NSUN4: variants seen among roughly 807,000 people sequenced by gnomAD.
NSUN4 encodes the protein 5-cytosine rRNA methyltransferase NSUN4.
NSUN4 carries 31 observed loss-of-function variants against 43.8 expected under a neutral mutation model. The observed-to-expected ratio is 0.71, with a 90% CI of 0.53 to 0.96. NSUN4 has a LOEUF of 0.96. Ranked by LOEUF, NSUN4 falls within the 40% of genes least tolerant of loss-of-function variation. The pLI is 0.00. For synonymous variants in NSUN4, 167 were observed against 184.1 expected, an observed-to-expected ratio of 0.91 and a Z score of 0.75; for missense variants, 439 against 475.6, an observed-to-expected ratio of 0.92 and a Z score of 0.72.
chr1:46,353,854 TTTTTAATTTTG>T lies in NSUN4; in HGVS notation c.753+829_753+839del, dbSNP rs1484921758. ...ATAATGTGTCCTGGGGTTAAATCCT[TTTTTAATTTTG>T]TTGACATTGTGGAAGTATAGTTGTT... On this transcript the variant is annotated intron_variant, in intron 4 of 5. Coordinates refer to ENST00000474844, the MANE Select transcript of NSUN4 (RefSeq NM_199044.4). 2.6e-5 allele frequency among the ~76,000 whole-genome samples: 4 copies of T among 152,270 alleles called. No individual in the cohort carries two copies. The East Asian group carries it at 7.7e-4, about 29-fold the overall frequency.
At chr1:46,379,835 C>T in the NSUN4 span, among the ~76,000 whole-genome samples, 5 of 152,130 alleles carry the variant, frequency 3.3e-5, no homozygotes, top group Admixed American at 3.3e-4. Flanking sequence ...GGAAAAGGGG[C>T]TGTGAACAGC....
At chr1:46,372,172 G>A in the NSUN4 span, among the ~76,000 whole-genome samples, 11 of 142,418 alleles carry the variant, frequency 7.7e-5, no homozygotes, top group Admixed American at 2.9e-4. Context: ...ATGGAGTCTC[G>A]CTCTGTCACC....
chr1:46,347,201 G>A, intron 3 of NSUN4, 126 bp downstream of exon 3: 1 of 974,016 alleles, frequency 1.0e-6, no homozygotes, highest in Non-Finnish European at 1.5e-6. Context: ...ACTTTGGGAA[G>A]CCGAGGGAGG....
At chr1:46,377,480 G>A in the NSUN4 span, among the ~76,000 whole-genome samples, 3 of 152,162 alleles carry the variant, frequency 2.0e-5, no homozygotes, top group East Asian at 1.9e-4. Flanking sequence ...GACGAGAGAC[G>A]TGCTTTTCTG....
chr1:46,378,070 A>G, the NSUN4 span, among the ~76,000 whole-genome samples: 1 of 151,864 alleles, frequency 6.6e-6, no homozygotes, highest in Non-Finnish European at 1.5e-5. Flanking sequence ...AAAAATTTTT[A>G]TTTTTTTAAA....
At chr1:46,343,665 A>G (rs1662281654) in intron 1 of NSUN4, 3 of 400,102 alleles carry the variant, frequency 7.5e-6, no homozygotes. Flanking sequence ...CTATCCTAGC[A>G]GAAGCTGGGG....
At chr1:46,374,289 C>CACAA in the NSUN4 span, among the ~76,000 whole-genome samples, 1 of 42,912 alleles carries the variant, frequency 2.3e-5, no homozygotes, top group African/African-American at 9.6e-5. Flanking sequence ...TCTGTCTCAC[C>CACAA]AAAAAAAAAA....
the NSUN4 span, among the ~76,000 whole-genome samples, chr1:46,375,162 G>C: frequency 6.6e-6 from 1 of 151,992 alleles, no homozygotes; most frequent in African/African-American, 2.4e-5. Context: ...GGGGCCAGGC[G>C]TGGTGGCTCA....
the NSUN4 span, among the ~76,000 whole-genome samples, chr1:46,382,000 C>T: frequency 6.6e-6 from 1 of 152,230 alleles, no homozygotes; most frequent in Admixed American, 6.5e-5. Flanking sequence ...AAGAGCCTGA[C>T]TCAAGGCCCT....
At position 46,343,055 on chromosome 1, in the gene NSUN4, G is replaced by A. The variant is rs376289843; in HGVS notation, c.94-1746G>A. On this transcript the variant is annotated intron_variant, in intron 1 of 5. Transcript: ENST00000474844. ...TCTGCCTTCCTTGTGATCCTGTCTC[G>A]GCCAATAGTTATGCTCAGAGCAGCC... is the stretch of plus-strand genomic sequence containing the variant. 4.7e-4 allele frequency: 188 copies of A among 399,534 alleles called. 1 individual carries two copies. In the South Asian group the frequency reaches 0.014, roughly 31 times the overall value. The allele number at this position is 399,534 out of a possible 1,614,324, so 24.7% of individuals were successfully genotyped here. A position where few individuals can be genotyped will look rare whatever the true frequency, so the allele number is the denominator to read the frequency against.
At chr1:46,352,287 A>G (rs1663057022) in intron 3 of NSUN4, among the ~76,000 whole-genome samples, 1 of 152,060 alleles carries the variant, frequency 6.6e-6, no homozygotes, top group African/African-American at 2.4e-5. Context: ...TGCTGTCTCT[A>G]CTAAAAATGC....
downstream of NSUN4, among the ~76,000 whole-genome samples, chr1:46,366,727 A>AAAAAAAAAAAAAAAAAAG (rs1553178523): frequency 1.6e-5 from 2 of 127,898 alleles, no homozygotes; most frequent in African/African-American, 2.7e-5. Flanking sequence ...AAAAAAAAAA[A>AAAAAAAAAAAAAAAAAAG]AAGTGGGTAG....
At chr1:46,370,234 A>G in the NSUN4 span, among the ~76,000 whole-genome samples, 1 of 152,150 alleles carries the variant, frequency 6.6e-6, no homozygotes, top group Admixed American at 6.6e-5. Flanking sequence ...GAGGCAGGGG[A>G]AGCAGATGTG....
chr1:46,352,594 G>A (rs1398091319), intron 3 of NSUN4, among the ~76,000 whole-genome samples: 1 of 152,008 alleles, frequency 6.6e-6, no homozygotes, highest in Non-Finnish European at 1.5e-5. Flanking sequence ...GGAGAAAGGG[G>A]AGAGAGGACA....
the NSUN4 span, among the ~76,000 whole-genome samples, chr1:46,371,346 C>T: frequency 6.8e-6 from 1 of 147,434 alleles, no homozygotes; most frequent in Non-Finnish European, 1.5e-5. Context: ...TGCTCTGTCG[C>T]CCAAGCTGGA....
chr1:46,347,331 A>G (rs1662586507), intron 3 of NSUN4, among the ~76,000 whole-genome samples: 1 of 152,038 alleles, frequency 6.6e-6, no homozygotes, highest in Admixed American at 6.6e-5. Context: ...CCAGCTACTC[A>G]GGAGGCTGAG....
the NSUN4 span, among the ~76,000 whole-genome samples, chr1:46,384,855 T>G: frequency 6.6e-6 from 1 of 152,188 alleles, no homozygotes; most frequent in Non-Finnish European, 1.5e-5. Context: ...CCCAGGCTGA[T>G]GCTGATGTCC....
chr1:46,383,014 G>A, the NSUN4 span, among the ~76,000 whole-genome samples: 12 of 152,318 alleles, frequency 7.9e-5, no homozygotes, highest in African/African-American at 2.4e-4. Flanking sequence ...GTCTGTATCC[G>A]TGTAATTCAT....
rs919943645 is a variant in NSUN4 at position 46,362,907 on chromosome 1, T to C, written c.*1061T>C. On this transcript the variant is annotated 3_prime_UTR_variant, in exon 6 of 6. Transcript: ENST00000474844. ...ACTCGATATGTTGTTTTTGTAACTTTAGCCAAAAGAAAGTAACCTTTAGTG... is the reference window on the plus strand; with the variant it reads ...ACTCGATATGTTGTTTTTGTAACTTCAGCCAAAAGAAAGTAACCTTTAGTG... 6 of 152,176 alleles carry C rather than the reference T, an allele frequency of 3.9e-5. No individual in the cohort carries two copies. The highest frequency in any genetic ancestry group is 1.4e-4 in the African/African-American group (6 of 41,430). 9.4% of individuals were successfully genotyped at this position (152,176 alleles called of 1,614,324 possible).
Sources: allele counts gnomAD v4.1 joint callset (sites outside exome capture counted in the v4.1 genomes callset), GRCh38; gene constraint gnomAD v4.1.1; transcripts MANE v1.5; gene names NCBI Gene and HGNC (gene_info 2026-07-23, HGNC 2026-07-21).